The following GRID2 variants were observed in gnomAD, a reference collection of about 807,000 sequenced individuals.
The protein encoded by GRID2 is glutamate receptor ionotropic, delta-2.
Under a neutral mutation model 114.8 loss-of-function variants are expected in GRID2, and 33 were observed. The ratio of observed to expected loss-of-function variants is 0.29; its 90% CI spans 0.22 to 0.38. The LOEUF (loss-of-function observed/expected upper bound fraction) is 0.38. GRID2 is among the 10% of genes least tolerant of loss of function. The probability of loss-of-function intolerance (pLI) is 1.00; values close to 1 mark genes in which losing one functional copy is unlikely to be tolerated. For synonymous variants in GRID2, 505 were observed against 449.9 expected (o/e 1.12, Z -1.55); for missense variants, 1,184 against 1,257.7 (o/e 0.94, Z 0.89).
chr4:92,902,174 AG>A (rs1747629173), intron 2 of GRID2, among the ~76,000 whole-genome samples: 2 of 152,086 alleles, frequency 1.3e-5, no homozygotes, highest in Non-Finnish European at 2.9e-5. Flanking sequence ...ATGCTTGAAA[AG>A]TTACATATTT....
At position 93,395,652 on chromosome 4, in the gene GRID2, G is replaced by A; in HGVS notation, c.1291G>A (p.Asp431Asn). The change falls in exon 9 of 16, where the codon GAC (aspartate) becomes AAC (asparagine). Residue 431 changes from aspartate to asparagine, a missense_variant. Transcript: ENST00000282020. The stretch of plus-strand genomic sequence containing the variant: ...CACAGGTCTGAATGGGTCACTGACT[G>A]ACAAGAAATTGGAGAATAACATGCG... ...PVTGLNGSLT[D>N]KKLENNMRGV... 1 of 1,588,336 alleles carries A rather than the reference G, an allele frequency of 6.3e-7. No homozygotes were observed. The highest frequency in any genetic ancestry group is 8.6e-7 in the Non-Finnish European group (1 of 1,157,120).
At chr4:93,286,692 G>T (rs112930079) in intron 8 of GRID2, among the ~76,000 whole-genome samples, 2,155 of 141,342 alleles carry the variant, frequency 0.015, 56 homozygotes, top group African/African-American at 0.06. Context: ...TGTGTGTGTG[G>T]GGGTGTGTGT....
intron 8 of GRID2, among the ~76,000 whole-genome samples, chr4:93,356,732 A>T (rs185572225): frequency 6.6e-6 from 1 of 152,010 alleles, no homozygotes; most frequent in East Asian, 1.9e-4. Flanking sequence ...GAAAGACAGA[A>T]ATCACTGAAA....
At chr4:92,676,817 TAC>T (rs1357942295) in intron 2 of GRID2, among the ~76,000 whole-genome samples, 9 of 152,176 alleles carry the variant, frequency 5.9e-5, no homozygotes, top group Non-Finnish European at 1.3e-4. Context: ...TAGATGCTTA[TAC>T]ACCTGTGTTC....
intron 2 of GRID2, among the ~76,000 whole-genome samples, chr4:92,920,378 G>T (rs931490133): frequency 1.3e-5 from 2 of 152,254 alleles, no homozygotes; most frequent in South Asian, 2.1e-4. Context: ...GTGTGAATTT[G>T]ATCCTGTCAT....
intron 2 of GRID2, among the ~76,000 whole-genome samples, chr4:93,041,593 C>G (rs953653359): frequency 6.6e-6 from 1 of 152,070 alleles, no homozygotes; most frequent in African/African-American, 2.4e-5. Context: ...ATTAACCTCT[C>G]AAATGTGGGT....
rs532128163 is a variant in GRID2, at chr4:93,571,280, A to T, written c.2194-54989A>T. 2.0e-3 allele frequency among the ~76,000 whole-genome samples: 300 copies of T among 152,200 alleles called. 1 individual carries two copies. The highest frequency in any genetic ancestry group is 6.8e-3 in the Middle Eastern group (2 of 294). On this transcript the variant is annotated intron_variant, in intron 13 of 15. Transcript: ENST00000282020. ...GTTTCATCTTGAAATCTCATCTCTA[A>T]CAATAAATACAAGTAACTTTCTTGA... is the stretch of plus-strand genomic sequence containing the variant.
At chr4:93,705,612 AT>A (rs1317293823) in intron 14 of GRID2, among the ~76,000 whole-genome samples, 1 of 151,566 alleles carries the variant, frequency 6.6e-6, no homozygotes, top group Non-Finnish European at 1.5e-5. Flanking sequence ...GTTTGCAAAT[AT>A]TTTTCCCCAT....
At chr4:92,573,741 T>G (rs1341977933) in intron 1 of GRID2, among the ~76,000 whole-genome samples, 1 of 152,074 alleles carries the variant, frequency 6.6e-6, no homozygotes, top group Non-Finnish European at 1.5e-5. Context: ...ATTATGTGAT[T>G]GATTTTAGAG....
chr4:93,119,424 A>G (rs1733577347), intron 4 of GRID2, among the ~76,000 whole-genome samples: 1 of 152,210 alleles, frequency 6.6e-6, no homozygotes, highest in African/African-American at 2.4e-5. Flanking sequence ...AAAATTCTAT[A>G]TAAATTAGAC....
At chr4:93,378,609 G>C (rs140774285) in intron 8 of GRID2, among the ~76,000 whole-genome samples, 1 of 152,034 alleles carries the variant, frequency 6.6e-6, no homozygotes, top group Non-Finnish European at 1.5e-5. Flanking sequence ...TTCTGCTATT[G>C]ATATTTAAGT....
chr4:92,965,441 T>C (rs1753077256), intron 2 of GRID2, among the ~76,000 whole-genome samples: 1 of 95,948 alleles, frequency 1.0e-5, no homozygotes. Flanking sequence ...GCCATAAACA[T>C]TCAATTTGTA....
At chr4:92,982,022 TAAAAAAAAAAA>T (rs1161216679) in intron 2 of GRID2, among the ~76,000 whole-genome samples, 7 of 80,202 alleles carry the variant, frequency 8.7e-5, no homozygotes, top group African/African-American at 2.3e-4. Flanking sequence ...AAAGTACTGG[TAAAAAAAAAAA>T]AAAAAAAAAA....
intron 2 of GRID2, among the ~76,000 whole-genome samples, chr4:93,022,589 T>C (rs1723482767): frequency 6.6e-6 from 1 of 152,034 alleles, no homozygotes; most frequent in Non-Finnish European, 1.5e-5. Context: ...TTAACAGGTA[T>C]TGCTGAATTA....
At position 93,564,717 on chromosome 4, in the gene GRID2, C is replaced by T. The variant is rs759080059; in HGVS notation, c.2193+49306C>T. On this transcript the variant is annotated intron_variant, in intron 13 of 15. Coordinates refer to ENST00000282020, the MANE Select transcript of GRID2 (RefSeq NM_001510.4). ...GTTTGAAAATACTGGTCTTATAAGT[C>T]AGTATCCCTCTGCATAACAGAGATG... is the stretch of plus-strand genomic sequence containing the variant. Among the ~76,000 whole-genome samples, 49 of 151,990 alleles carry T rather than the reference C, an allele frequency of 3.2e-4. 1 individual carries two copies. The highest frequency in any genetic ancestry group is 1.4e-3 in the Admixed American group (22 of 15,236).
At chr4:93,379,231 TTATCAA>T (rs1763640053) in intron 8 of GRID2, among the ~76,000 whole-genome samples, 1 of 152,106 alleles carries the variant, frequency 6.6e-6, no homozygotes. Context: ...TTACTTGCTA[TTATCAA>T]TAAGACAAGT....
chr4:92,605,857 T>C (rs939300039), intron 2 of GRID2, among the ~76,000 whole-genome samples: 1 of 152,110 alleles, frequency 6.6e-6, no homozygotes, highest in Admixed American at 6.6e-5. Context: ...ATACTCCCCT[T>C]GGACATGGTG....
At chr4:93,741,715 G>C (rs923334518) in intron 14 of GRID2, among the ~76,000 whole-genome samples, 8 of 152,110 alleles carry the variant, frequency 5.3e-5, no homozygotes, top group Admixed American at 4.6e-4. Context: ...CCTGAGGTCA[G>C]GAGTTCGAGA....
chr4:92,789,300 C>G (rs1331839852), intron 2 of GRID2, among the ~76,000 whole-genome samples: 1 of 151,826 alleles, frequency 6.6e-6, no homozygotes, highest in African/African-American at 2.4e-5. Flanking sequence ...GATTTTTATT[C>G]ATGTTGATTT....
Sources: allele counts gnomAD v4.1 joint callset (sites outside exome capture counted in the v4.1 genomes callset), GRCh38; gene constraint gnomAD v4.1.1; transcripts MANE v1.5; gene names NCBI Gene and HGNC (gene_info 2026-07-23, HGNC 2026-07-21).